The following IL1RL1 variants were observed in gnomAD, a reference collection of about 807,000 sequenced individuals.
IL1RL1 encodes the protein interleukin 1 receptor like 1, also known as interleukin-1 receptor-like 1.
IL1RL1 carries 32 observed loss-of-function variants against 50.9 expected under a neutral mutation model. The ratio of observed to expected loss-of-function variants is 0.63; its 90% confidence interval spans 0.47 to 0.84. The LOEUF (loss-of-function observed/expected upper bound fraction) is 0.84. Ranked by LOEUF, IL1RL1 falls within the 40% of genes least tolerant of loss-of-function variation. The pLI, the probability that IL1RL1 is intolerant of heterozygous loss-of-function variation, is 0.00. For missense variants in IL1RL1, 773 were observed against 662.9 expected, an observed-to-expected ratio of 1.17 and a Z score of -1.82; for synonymous variants, 275 against 236.0, an observed-to-expected ratio of 1.17 and a Z score of -1.51.
In IL1RL1 at chr2:102,337,418, A is replaced by C. The variant is rs190139999; in HGVS notation, c.-149-698A>C. 33 of 152,454 alleles carry C rather than the reference A, an allele frequency of 2.2e-4. No individual in the cohort carries two copies. The East Asian group carries it at 6.0e-3, about 28-fold the overall frequency. The allele number at this position is 152,454 out of a possible 1,614,324, so 9.4% of individuals were successfully genotyped here. On this transcript the variant is annotated intron_variant, in intron 1 of 10. Transcript: ENST00000233954. Reference sequence around the variant, plus strand: ...GATTGTGTTTATCTTTATGTTAGTAAATTTCTATGTTGGTTCTATTCTTCC... The same window carrying C: ...GATTGTGTTTATCTTTATGTTAGTACATTTCTATGTTGGTTCTATTCTTCC...
At chr2:102,331,336 T>C (rs528062502) in intron 1 of IL1RL1, among the ~76,000 whole-genome samples, 1 of 152,320 alleles carries the variant, frequency 6.6e-6, no homozygotes, top group East Asian at 1.9e-4. Flanking sequence ...ATGAACTAAA[T>C]AAAGGACGAC....
At chr2:102,340,876 A>T in intron 5 of IL1RL1, 48 bp downstream of exon 5, 1 of 1,443,526 alleles carries the variant, frequency 6.9e-7, no homozygotes, top group Non-Finnish European at 9.3e-7. Context: ...AAAGAAGTCG[A>T]AGTGGGAACA....
At chr2:102,313,918 C>T (rs1314416315) in intron 1 of IL1RL1, among the ~76,000 whole-genome samples, 1 of 152,054 alleles carries the variant, frequency 6.6e-6, no homozygotes, top group African/African-American at 2.4e-5. Context: ...GGTTCTAGAA[C>T]AAAAATCTAA....
chr2:102,339,909 T>A (rs1489043829), intron 3 of IL1RL1, among the ~76,000 whole-genome samples, 189 bp from the exon 4 acceptor site: 1 of 152,184 alleles, frequency 6.6e-6, no homozygotes, highest in Non-Finnish European at 1.5e-5. Flanking sequence ...GGGGCTATGT[T>A]TTTAGCTCAA....
Position 102,349,225 on chromosome 2 carries a change from A to T in IL1RL1, c.1264A>T (p.Arg422Ter), listed in dbSNP as rs1206678895. 1.9e-6 allele frequency: 3 copies of T among 1,613,476 alleles called. No individual in the cohort carries two copies. Among genetic ancestry groups the T allele is most frequent in the Non-Finnish European group, 2.5e-6 (3 of 1,179,550 alleles). ...TGGCTATACCTTATGCATTTATGGG[A>T]GAGATATGCTACCTGGAGAAGGTAA... Reference protein sequence around the residue: ...KCGYTLCIYGRDMLPGEDVVT... With the variant: ...KCGYTLCIYG The change falls in exon 10 of 11, where the codon AGA becomes TGA. Residue 422 changes from arginine to a stop codon, truncating the protein, a stop_gained. Transcript: ENST00000233954. LOFTEE classifies it low-confidence loss of function (END_TRUNC).
chr2:102,334,123 G>A (rs1677247123), intron 1 of IL1RL1, among the ~76,000 whole-genome samples: 1 of 152,072 alleles, frequency 6.6e-6, no homozygotes. Flanking sequence ...TGGGTTGAAT[G>A]GTAGTTTTAC....
intron 1 of IL1RL1, among the ~76,000 whole-genome samples, chr2:102,330,583 C>T (rs1677148806): frequency 6.6e-6 from 1 of 152,180 alleles, no homozygotes; most frequent in South Asian, 2.1e-4. Flanking sequence ...GCTTATTGAA[C>T]ATTGATATAT....
At chr2:102,345,445 T>C (rs2104996349) in intron 8 of IL1RL1, 1 of 985,346 alleles carries the variant, frequency 1.0e-6, no homozygotes, top group Non-Finnish European at 1.2e-6. Flanking sequence ...GGCTGTACAA[T>C]CATGTAGAAA....
In IL1RL1 at chr2:102,348,083, C is replaced by T. The variant is rs1481800375; in HGVS notation, c.1109C>T (p.Thr370Ile). 1.2e-6 allele frequency: 2 copies of T among 1,609,206 alleles called. No homozygotes were observed. The highest frequency in any genetic ancestry group is 1.7e-6 in the Non-Finnish European group (2 of 1,178,242). ...LWRDIAKPYK[T>I]RNDGKLYDAY... The stretch of plus-strand genomic sequence containing the variant: ...AGAGACATAGCTAAACCTTACAAGA[C>T]TAGGAATGGTAAGTGGCAAATACCA... The change falls in exon 9 of 11, where the codon ACT becomes ATT. Residue 370 changes from threonine to isoleucine, a missense_variant. Coordinates refer to ENST00000233954, the MANE Select transcript of IL1RL1 (RefSeq NM_016232.5).
intron 8 of IL1RL1, chr2:102,343,753 A>G: frequency 8.4e-7 from 1 of 1,196,044 alleles, no homozygotes; most frequent in Non-Finnish European, 1.0e-6. Flanking sequence ...ACAACCGTAA[A>G]CTGAACGTGT....
chr2:102,337,144 C>G (rs1247301727), intron 1 of IL1RL1: 2 of 152,250 alleles, frequency 1.3e-5, no homozygotes, highest in African/African-American at 4.8e-5. Flanking sequence ...ATCAAGAATT[C>G]TTAGTACATG....
At chr2:102,316,491 C>G (rs551735113) in intron 1 of IL1RL1, among the ~76,000 whole-genome samples, 1 of 152,104 alleles carries the variant, frequency 6.6e-6, no homozygotes, top group Non-Finnish European at 1.5e-5. Context: ...GTAGAATTTC[C>G]TTCTTCAGAG....
intron 1 of IL1RL1, among the ~76,000 whole-genome samples, chr2:102,324,174 T>C (rs1011950616): frequency 6.6e-6 from 1 of 152,202 alleles, no homozygotes; most frequent in African/African-American, 2.4e-5. Flanking sequence ...TAAGTTTTTA[T>C]TTCTCTTAGG....
At chr2:102,336,308 A>G (rs920761731) in intron 1 of IL1RL1, among the ~76,000 whole-genome samples, 1 of 152,208 alleles carries the variant, frequency 6.6e-6, no homozygotes, top group African/African-American at 2.4e-5. Flanking sequence ...TGTCTGTAAA[A>G]TGGGCATCAT....
chr2:102,344,944 G>T (rs1677726040), intron 8 of IL1RL1: 1 of 960,068 alleles, frequency 1.0e-6, no homozygotes, highest in African/African-American at 1.8e-5. Flanking sequence ...AGGACAACAT[G>T]AAACTGATGA....
At chr2:102,320,807 C>A (rs1016834049) in intron 1 of IL1RL1, among the ~76,000 whole-genome samples, 8 of 152,174 alleles carry the variant, frequency 5.3e-5, no homozygotes, top group African/African-American at 1.9e-4. Context: ...TCATAGCCAC[C>A]GTCTCTGTCT....
In IL1RL1 at chr2:102,330,694, G is replaced by A. The variant is rs572312269; in HGVS notation, c.-149-7422G>A. ...TTGTAAGAGTTATTTATGAAGTATA[G>A]ATACAAGTCTTTCATCTGATATGCA... On this transcript the variant is annotated intron_variant, in intron 1 of 10. Transcript: ENST00000233954. 7.4e-4 allele frequency among the ~76,000 whole-genome samples: 113 copies of A among 152,298 alleles called. 1 individual carries two copies. Among genetic ancestry groups the A allele is most frequent in the South Asian group, 2.1e-4 (1 of 4,824 alleles).
chr2:102,325,160 G>C (rs569744251), intron 1 of IL1RL1, among the ~76,000 whole-genome samples: 1 of 152,112 alleles, frequency 6.6e-6, no homozygotes, highest in East Asian at 1.9e-4. Context: ...AAAACTTCCA[G>C]AGGAACGATC....
intron 10 of IL1RL1, 124 bp from the exon 11 acceptor site, chr2:102,351,408 CTGAG>C (rs1208260911): frequency 2.4e-6 from 2 of 822,432 alleles, no homozygotes; most frequent in African/African-American, 3.5e-5. Context: ...TTCCACTTCT[CTGAG>C]TAAGTGACTT....
Sources: gnomAD v4.1 joint callset for allele counts (sites outside exome capture counted in the v4.1 genomes callset) on GRCh38, gnomAD v4.1.1 for gene constraint, MANE v1.5 for transcripts, NCBI Gene and HGNC (gene_info 2026-07-23, HGNC 2026-07-21) for gene names.